CSF2RB: variants seen among roughly 807,000 people sequenced by gnomAD.
CSF2RB encodes colony stimulating factor 2 receptor subunit beta.
CSF2RB carries 22 observed loss-of-function variants against 67.2 expected under a neutral mutation model. The ratio of observed to expected loss-of-function variants is 0.33; its 90% confidence interval spans 0.23 to 0.47. CSF2RB has a LOEUF of 0.47. CSF2RB is among the 20% of genes least tolerant of loss of function. The pLI is 1.00. For missense variants in CSF2RB, 1,113 were observed against 1,174.5 expected (o/e 0.95, Z 0.76); for synonymous variants, 507 against 482.9 (o/e 1.05, Z -0.65).
intron 1 of CSF2RB, among the ~76,000 whole-genome samples, chr22:36,918,820 G>A (rs533447909): frequency 1.3e-5 from 2 of 152,350 alleles, no homozygotes; most frequent in African/African-American, 2.4e-5. Flanking sequence ...CAGAGTGAGA[G>A]TGGGAATCCA....
chr22:36,933,044 T>G, intron 9 of CSF2RB, 140 bp downstream of exon 9: 1 of 1,009,348 alleles, frequency 9.9e-7, no homozygotes, highest in Non-Finnish European at 1.5e-6. Context: ...TGGTGATCAC[T>G]AGGCTGTGTG....
chr22:36,929,898 G>A (rs953652454), intron 6 of CSF2RB, 91 bp downstream of exon 6: 1 of 1,503,392 alleles, frequency 6.7e-7, no homozygotes, highest in Non-Finnish European at 9.0e-7. Context: ...GGCTCCACCT[G>A]GGGGCTTCCC....
intron 3 of CSF2RB, 142 bp downstream of exon 3, chr22:36,923,509 G>C: frequency 7.4e-7 from 1 of 1,350,612 alleles, no homozygotes; most frequent in African/African-American, 1.4e-5. Flanking sequence ...GGGAGGCCCT[G>C]CAAGAGCTCC....
In CSF2RB at chr22:36,930,820, C is replaced by T. The variant is rs756336062; in HGVS notation, c.1002C>T (p.Ser334=). The T allele has an allele frequency of 1.2e-5, 19 of 1,614,164 alleles. No individual in the cohort carries two copies. Among genetic ancestry groups the T allele is most frequent in the Non-Finnish European group, 1.5e-5 (18 of 1,180,024 alleles). Residue 334 remains serine, a synonymous_variant, in exon 8 of 14, where the codon AGC becomes AGT. Transcript: ENST00000403662. The part of the protein sequence containing the change: ...QPRRAEKHIK[S]SVNIQMAPPS... ...GGAGGGCAGAGAAACACATAAAGAG[C>T]TCAGTGAACAGTGAGTTTGCTCCTA... is the stretch of plus-strand genomic sequence containing the variant.
intron 4 of CSF2RB, 36 bp downstream of exon 4, chr22:36,926,213 C>T (rs768923587): frequency 5.0e-6 from 8 of 1,607,192 alleles, no homozygotes; most frequent in Admixed American, 1.7e-5. Flanking sequence ...GGCTTGGTTT[C>T]CTGTGTGGAC....
At chr22:36,922,338 T>G (rs1601580412) in intron 2 of CSF2RB, 55 bp downstream of exon 2, 2 of 1,495,788 alleles carry the variant, frequency 1.3e-6, no homozygotes, top group East Asian at 2.4e-5. Context: ...TGCTGCACCC[T>G]GGGGGAGGGC....
In CSF2RB at chr22:36,922,243, G is replaced by A. The variant is rs755392668; in HGVS notation, c.36G>A (p.Leu12=). ...CCCAGGGGCTGCTCTCCATGGCCCT[G>A]CTGGCCCTGTGCTGGGAGCGCAGCC... ...VLAQGLLSMA[L]LALCWERSLA... Residue 12 remains leucine (L), a synonymous_variant, in exon 2 of 14, where the codon CTG becomes CTA. Coordinates refer to ENST00000403662, the MANE Select transcript of CSF2RB (RefSeq NM_000395.3). 4.4e-6 allele frequency: 7 copies of A among 1,589,434 alleles called. No homozygotes were observed. Among genetic ancestry groups the A allele is most frequent in the Middle Eastern group, 2.1e-4 (1 of 4,822 alleles).
At chr22:36,934,660 GACCCCTCACCT>G (rs1369697262) in intron 10 of CSF2RB, among the ~76,000 whole-genome samples, 1 of 152,120 alleles carries the variant, frequency 6.6e-6, no homozygotes, top group Non-Finnish European at 1.5e-5. Context: ...TGCGTGCACT[GACCCCTCACCT>G]TTCACCACAG....
At chr22:36,933,784 G>C in intron 9 of CSF2RB, 48 bp from the exon 10 acceptor site, 1 of 1,569,340 alleles carries the variant, frequency 6.4e-7, no homozygotes, top group Non-Finnish European at 8.6e-7. Context: ...ATTTGCAGCT[G>C]CTCCCACGGG....
At chr22:36,919,411 T>G (rs531091551) in intron 1 of CSF2RB, among the ~76,000 whole-genome samples, 1 of 152,284 alleles carries the variant, frequency 6.6e-6, no homozygotes, top group South Asian at 2.1e-4. Context: ...GTTGTTGTTT[T>G]TTTGTTTGTT....
rs1418758965 is a variant in CSF2RB at position 36,929,426 on chromosome 22, T to A, written c.416T>A (p.Leu139Gln). The stretch of plus-strand genomic sequence containing the variant: ...GTCCAGCCTCCTGAGCCCAGGGACC[T>A]GCAGATCAGCACCGACCAGGACCAC... ...QHVQPPEPRD[L>Q]QISTDQDHFL... Residue 139 changes from leucine (L) to glutamine (Q), a missense_variant, in exon 5 of 14, where the codon CTG becomes CAG. Coordinates refer to ENST00000403662, the MANE Select transcript of CSF2RB (RefSeq NM_000395.3). 9 of 1,614,160 alleles carry A rather than the reference T, an allele frequency of 5.6e-6. No homozygotes were observed. The highest frequency in any genetic ancestry group is 7.6e-6 in the Non-Finnish European group (9 of 1,180,012).
At chr22:36,932,642 A>C in intron 8 of CSF2RB, 123 bp from the exon 9 acceptor site, 3 of 1,167,370 alleles carry the variant, frequency 2.6e-6, no homozygotes, top group Non-Finnish European at 3.7e-6. Flanking sequence ...AAAGGATCCA[A>C]CCATGGGCAG....
chr22:36,929,358 C>G, intron 4 of CSF2RB, 44 bp from the exon 5 acceptor site: 3 of 1,613,900 alleles, frequency 1.9e-6, no homozygotes, highest in Non-Finnish European at 2.5e-6. Context: ...TGACTGCCCC[C>G]CAGCGGTCCA....
intron 8 of CSF2RB, among the ~76,000 whole-genome samples, chr22:36,932,323 T>C (rs929022567): frequency 3.3e-5 from 5 of 151,194 alleles, no homozygotes; most frequent in Non-Finnish European, 7.4e-5. Context: ...TAATCCCAGC[T>C]ACTCGGGAGG....
intron 9 of CSF2RB, 40 bp downstream of exon 9, chr22:36,932,944 G>A: frequency 6.2e-7 from 1 of 1,610,826 alleles, no homozygotes; most frequent in Non-Finnish European, 8.5e-7. Flanking sequence ...ACACTGGGGA[G>A]GGCGGGAGAA....
At chr22:36,922,974 G>A (rs899886745) in intron 2 of CSF2RB, among the ~76,000 whole-genome samples, 12 of 151,416 alleles carry the variant, frequency 7.9e-5, no homozygotes, top group African/African-American at 2.7e-4. Context: ...TGGGGGGAGG[G>A]GACCGTGCCC....
rs1006568140 is a variant in CSF2RB, at chr22:36,929,910, G to T, written c.718+103G>T. On this transcript the variant is annotated intron_variant, in intron 6 of 13. Coordinates refer to ENST00000403662, the MANE Select transcript of CSF2RB (RefSeq NM_000395.3). Reference sequence around the variant, plus strand: ...CTGGGCTCCACCTGGGGGCTTCCCAGATCTCCTGCTGCCATCTTTCCAGTA... The same window carrying T: ...CTGGGCTCCACCTGGGGGCTTCCCATATCTCCTGCTGCCATCTTTCCAGTA... 14 of 1,452,824 alleles carry T rather than the reference G, an allele frequency of 9.6e-6. No individual in the cohort carries two copies. The African/African-American group carries it at 1.7e-4, about 18-fold the overall frequency. The allele number at this position is 1,452,824 out of a possible 1,614,324, so 90.0% of individuals were successfully genotyped here. A position where few individuals can be genotyped will look rare whatever the true frequency, so the allele number is the denominator to read the frequency against.
Position 36,929,723 on chromosome 22 carries a change from G to A in CSF2RB, c.634G>A (p.Val212Ile). 6.2e-7 allele frequency: 1 copy of A among 1,614,200 alleles called. No individual in the cohort carries two copies. Among genetic ancestry groups the A allele is most frequent in the Non-Finnish European group, 8.5e-7 (1 of 1,180,024 alleles). ...LMPSSTYVAR[V>I]RTRLAPGSRL... ...GCCCAGCAGCACCTACGTGGCCCGA[G>A]TACGGACCCGCCTGGCCCCAGGTTC... is the stretch of plus-strand genomic sequence containing the variant. Residue 212 changes from valine (V) to isoleucine (I), a missense_variant, in exon 6 of 14, where the codon GTA becomes ATA. Physicochemically the swap from Val to Ile is conservative, Grantham distance 29. Transcript: ENST00000403662.
Position 36,930,850 on chromosome 22 carries a change from G to A in CSF2RB, c.1012+20G>A, listed in dbSNP as rs375569377. 1.5e-5 allele frequency: 25 copies of A among 1,613,784 alleles called. No homozygotes were observed. The highest frequency in any genetic ancestry group is 4.0e-5 in the African/African-American group (3 of 74,900). ...TGAACAGTGAGTTTGCTCCTAGCCCGCTGTGGGGATGGTCTGGGACCAGCA... is the reference window on the plus strand; with the variant it reads ...TGAACAGTGAGTTTGCTCCTAGCCCACTGTGGGGATGGTCTGGGACCAGCA... On this transcript the variant is annotated intron_variant, in intron 8 of 13. Transcript: ENST00000403662.
Sources: gnomAD v4.1 joint callset for allele counts (sites outside exome capture counted in the v4.1 genomes callset) on GRCh38, gnomAD v4.1.1 for gene constraint, MANE v1.5 for transcripts, NCBI Gene and HGNC (gene_info 2026-07-23, HGNC 2026-07-21) for gene names.